ANKS1B: variants seen among roughly 807,000 people sequenced by gnomAD.
ANKS1B encodes ankyrin repeat and sterile alpha motif domain containing 1B, also known as ankyrin repeat and sterile alpha motif domain-containing protein 1B.
Under a neutral mutation model 148.3 loss-of-function variants are expected in ANKS1B, and 36 were observed. That is an observed-to-expected ratio of 0.24 (90% CI 0.19 to 0.32). The LOEUF is 0.32. ANKS1B is among the 10% of genes least tolerant of loss of function. The probability of loss-of-function intolerance (pLI) is 1.00; values close to 1 mark genes in which losing one functional copy is unlikely to be tolerated. For missense variants in ANKS1B, 1,157 were observed against 1,542.6 expected (o/e 0.75, Z 4.19); for synonymous variants, 542 against 560.8 (o/e 0.97, Z 0.47).
At position 99,496,601 on chromosome 12, in the gene ANKS1B, G is replaced by A. The variant is rs2096606819; in HGVS notation, c.1438+7875C>T. Among the ~76,000 whole-genome samples, 3 of 152,118 alleles carry A rather than the reference G, an allele frequency of 2.0e-5. No homozygotes were observed. The South Asian group carries it at 6.2e-4, about 32-fold the overall frequency. On this transcript the variant is annotated intron_variant, in intron 10 of 26. Coordinates refer to ENST00000683438, the MANE Select transcript of ANKS1B (RefSeq NM_001352186.2). ...CTTCATGTGAAATCTGTAGTCATGA[G>A]GCATTAGTAAAATGCTCCTTGGAAA...
intron 9 of ANKS1B, among the ~76,000 whole-genome samples, chr12:99,650,619 A>G (rs1340512981): frequency 6.6e-6 from 1 of 152,152 alleles, no homozygotes; most frequent in Non-Finnish European, 1.5e-5. Flanking sequence ...TAATCCCCTG[A>G]CGCTATTTAG....
In ANKS1B at chr12:99,437,363, C is replaced by T. The variant is rs144729388; in HGVS notation, c.1575+6310G>A. ...ATTCAACATAGAAATTTGGGGAAAA[C>T]ACAAATATTCAGATGATAGTACAGA... On this transcript the variant is annotated intron_variant, in intron 11 of 26. Coordinates refer to ENST00000683438, the MANE Select transcript of ANKS1B (RefSeq NM_001352186.2). Among the ~76,000 whole-genome samples the T allele has an allele frequency of 3.0e-3, 462 of 152,034 alleles. 4 individuals are homozygous for T. Among genetic ancestry groups the T allele is most frequent in the African/African-American group, 0.01 (430 of 41,512 alleles).
intron 14 of ANKS1B, among the ~76,000 whole-genome samples, chr12:99,199,375 T>A (rs1181429764): frequency 5.3e-5 from 8 of 152,312 alleles, no homozygotes; most frequent in East Asian, 3.9e-4. Context: ...CGTGGTTTTT[T>A]AAAAACAATT....
intron 9 of ANKS1B, among the ~76,000 whole-genome samples, chr12:99,586,959 T>C (rs1245409043): frequency 1.3e-5 from 2 of 152,078 alleles, no homozygotes; most frequent in Non-Finnish European, 2.9e-5. Context: ...CAAGATGAGA[T>C]TTGGGTGGGG....
intron 15 of ANKS1B, among the ~76,000 whole-genome samples, chr12:99,128,572 G>A (rs562240610): frequency 6.6e-6 from 1 of 152,280 alleles, no homozygotes; most frequent in African/African-American, 2.4e-5. Flanking sequence ...TGGCTCCAGG[G>A]ATTCCAGCCA....
intron 8 of ANKS1B, among the ~76,000 whole-genome samples, chr12:99,672,884 G>A (rs1297768800): frequency 6.6e-6 from 1 of 152,066 alleles, no homozygotes; most frequent in Non-Finnish European, 1.5e-5. Context: ...AAAAGAAAAG[G>A]CTAATGTTGA....
intron 14 of ANKS1B, among the ~76,000 whole-genome samples, chr12:99,205,623 C>T (rs1362635295): frequency 6.6e-6 from 1 of 152,132 alleles, no homozygotes; most frequent in Non-Finnish European, 1.5e-5. Flanking sequence ...GGTCTTTTTG[C>T]ACTGAATCTC....
At chr12:99,110,100 T>C (rs2059997649) in intron 15 of ANKS1B, among the ~76,000 whole-genome samples, 1 of 152,206 alleles carries the variant, frequency 6.6e-6, no homozygotes, top group South Asian at 2.1e-4. Context: ...TGCCCACATC[T>C]TTACTAGTTA....
In ANKS1B at chr12:98,744,159, T is replaced by G. The variant is rs2097832641; in HGVS notation, c.*1580A>C. 2.0e-6 allele frequency: 2 copies of G among 985,504 alleles called. No homozygotes were observed. The highest frequency in any genetic ancestry group is 3.5e-5 in the African/African-American group (2 of 57,234). The allele number at this position is 985,504 out of a possible 1,614,324, so 61.0% of individuals were successfully genotyped here. A position where few individuals can be genotyped will look rare whatever the true frequency, so the allele number is the denominator to read the frequency against. ...GTACCATATTTTAGTGTTATTTAACTCTCATTTTGCTACATACATATCAAC... is the reference window on the plus strand; with the variant it reads ...GTACCATATTTTAGTGTTATTTAACGCTCATTTTGCTACATACATATCAAC... On this transcript the variant is annotated 3_prime_UTR_variant, in exon 27 of 27. Coordinates refer to ENST00000683438, the MANE Select transcript of ANKS1B (RefSeq NM_001352186.2).
chr12:99,395,115 A>C (rs1049094954), intron 12 of ANKS1B, among the ~76,000 whole-genome samples: 2 of 152,152 alleles, frequency 1.3e-5, no homozygotes, highest in Non-Finnish European at 2.9e-5. Context: ...AACTCTGCTG[A>C]TTCACCTGTG....
At position 98,884,626 on chromosome 12, in the gene ANKS1B, C is replaced by T. The variant is rs184807630; in HGVS notation, c.2779-52490G>A. On this transcript the variant is annotated intron_variant, in intron 17 of 26. Transcript: ENST00000683438. ...CATCCTGGCTAACAAGGTGAAACCCCGTCTCTACTAAAAATACAAAAAATT... is the reference window on the plus strand; with the variant it reads ...CATCCTGGCTAACAAGGTGAAACCCTGTCTCTACTAAAAATACAAAAAATT... 7.5e-3 allele frequency among the ~76,000 whole-genome samples: 1,135 copies of T among 151,162 alleles called. 7 individuals are homozygous for T. Among genetic ancestry groups the T allele is most frequent in the African/African-American group, 0.026 (1,082 of 41,094 alleles).
chr12:99,849,144 T>G (rs1187080262), intron 1 of ANKS1B, among the ~76,000 whole-genome samples: 1 of 152,140 alleles, frequency 6.6e-6, no homozygotes, highest in Non-Finnish European at 1.5e-5. Flanking sequence ...CTCAGAATCA[T>G]GCAATATATC....
chr12:99,794,914 C>T (rs1384105237), intron 4 of ANKS1B, among the ~76,000 whole-genome samples: 1 of 151,858 alleles, frequency 6.6e-6, no homozygotes, highest in Non-Finnish European at 1.5e-5. Flanking sequence ...TTGTACATTG[C>T]ATACATGTAC....
chr12:99,710,314 A>G (rs1013308253), intron 8 of ANKS1B, among the ~76,000 whole-genome samples: 3 of 152,168 alleles, frequency 2.0e-5, no homozygotes, highest in Non-Finnish European at 4.4e-5. Flanking sequence ...AAGTGATACC[A>G]TCAAGATATA....
intron 11 of ANKS1B, among the ~76,000 whole-genome samples, chr12:99,427,998 T>C (rs765830349): frequency 3.9e-5 from 6 of 152,222 alleles, no homozygotes; most frequent in Non-Finnish European, 5.9e-5. Flanking sequence ...TTATGGACTT[T>C]TATGCCTTAT....
intron 9 of ANKS1B, among the ~76,000 whole-genome samples, chr12:99,623,452 G>T (rs1598327302): frequency 6.6e-6 from 1 of 151,930 alleles, no homozygotes; most frequent in Non-Finnish European, 1.5e-5. Context: ...AATAGGAAAA[G>T]AAGTCAAACT....
chr12:99,715,691 A>T (rs1419735428), intron 8 of ANKS1B, among the ~76,000 whole-genome samples: 2 of 152,014 alleles, frequency 1.3e-5, no homozygotes, highest in Non-Finnish European at 2.9e-5. Context: ...TCCACCTATG[A>T]CCTCGGGTCC....
At chr12:99,885,976 T>C (rs532951422) in intron 1 of ANKS1B, among the ~76,000 whole-genome samples, 9 of 152,370 alleles carry the variant, frequency 5.9e-5, no homozygotes, top group African/African-American at 2.2e-4. Flanking sequence ...ATGGTGTATA[T>C]ATACCACATT....
intron 9 of ANKS1B, among the ~76,000 whole-genome samples, chr12:99,573,038 G>C (rs528159073): frequency 1.1e-4 from 16 of 152,130 alleles, no homozygotes; most frequent in Admixed American, 4.6e-4. Flanking sequence ...GAGCAAACAG[G>C]CTGCCTGAAC....
Sources: gnomAD v4.1 joint callset for allele counts (sites outside exome capture counted in the v4.1 genomes callset) on GRCh38, gnomAD v4.1.1 for gene constraint, MANE v1.5 for transcripts, NCBI Gene and HGNC (gene_info 2026-07-23, HGNC 2026-07-21) for gene names.